The following SGCG variants were observed in gnomAD, a reference collection of about 807,000 sequenced individuals.
SGCG encodes gamma-sarcoglycan.
A neutral mutation model predicts 29.3 loss-of-function variants in SGCG; 26 were observed. That is an observed-to-expected ratio of 0.89 (90% CI 0.65 to 1.23). The LOEUF (loss-of-function observed/expected upper bound fraction) is 1.23, where lower values mean the gene tolerates loss of function less well. Among genes scored for constraint, SGCG ranks in the 50% most tolerant of loss-of-function variants. SGCG has a pLI of 0.00. For synonymous variants in SGCG, 145 were observed against 129.7 expected (o/e 1.12, Z -0.80); for missense variants, 353 against 356.0 (o/e 0.99, Z 0.07).
the SGCG span, among the ~76,000 whole-genome samples, chr13:23,163,912 T>C: frequency 6.6e-6 from 1 of 152,208 alleles, no homozygotes; most frequent in African/African-American, 2.4e-5. Flanking sequence ...ATTGAATTAT[T>C]TGCATGAAAT....
intron 1 of SGCG, among the ~76,000 whole-genome samples, chr13:23,198,931 AC>A (rs1334711207): frequency 1.3e-5 from 2 of 150,696 alleles, no homozygotes; most frequent in Admixed American, 1.3e-4. Flanking sequence ...ACATGGTGAA[AC>A]CCCGTCTCTA....
chr13:23,256,396 T>G (rs1880179534), intron 4 of SGCG, among the ~76,000 whole-genome samples: 1 of 152,174 alleles, frequency 6.6e-6, no homozygotes, highest in African/African-American at 2.4e-5. Context: ...TTTTTTTATA[T>G]ACTTTAATTT....
At chr13:23,175,600 A>G in the SGCG span, among the ~76,000 whole-genome samples, 2 of 152,092 alleles carry the variant, frequency 1.3e-5, no homozygotes, top group Admixed American at 1.3e-4. Context: ...CTCCCCTGAA[A>G]TCTGAGTTTT....
intron 4 of SGCG, among the ~76,000 whole-genome samples, chr13:23,262,921 G>A (rs983007479): frequency 3.0e-4 from 45 of 152,076 alleles, no homozygotes; most frequent in African/African-American, 1.1e-3. Context: ...GGTTAACAAT[G>A]ACATTAAAAT....
intron 1 of SGCG, among the ~76,000 whole-genome samples, chr13:23,184,197 G>A (rs570602766): frequency 1.3e-5 from 2 of 152,236 alleles, no homozygotes; most frequent in Admixed American, 6.5e-5. Context: ...TATATACCAC[G>A]TTTGATAAAA....
At chr13:23,274,795 A>G (rs989468944) in intron 4 of SGCG, among the ~76,000 whole-genome samples, 4 of 152,140 alleles carry the variant, frequency 2.6e-5, no homozygotes, top group Admixed American at 2.6e-4. Context: ...TGATTACTAT[A>G]TAGCCAGCGT....
At chr13:23,270,714 T>C (rs1461461373) in intron 4 of SGCG, among the ~76,000 whole-genome samples, 1 of 152,220 alleles carries the variant, frequency 6.6e-6, no homozygotes, top group African/African-American at 2.4e-5. Context: ...ATAGAATCTT[T>C]TTTTCATTGC....
the SGCG span, among the ~76,000 whole-genome samples, chr13:23,172,683 ATAAT>A: frequency 3.3e-5 from 5 of 152,246 alleles, no homozygotes; most frequent in African/African-American, 9.6e-5. Context: ...AATTTAGCAA[ATAAT>A]TAATGAGCAT....
intron 6 of SGCG, among the ~76,000 whole-genome samples, chr13:23,299,521 C>G (rs1316886679): frequency 7.2e-6 from 1 of 138,812 alleles, no homozygotes; most frequent in Non-Finnish European, 1.5e-5. Flanking sequence ...GGCGCGATCT[C>G]GGCTCACTGC....
intron 2 of SGCG, 63 bp downstream of exon 2, chr13:23,203,952 AT>A: frequency 8.5e-7 from 1 of 1,172,270 alleles, no homozygotes; most frequent in South Asian, 1.2e-5. Context: ...CTTAGTCTGT[AT>A]TGTATTGATA....
At chr13:23,207,544 A>G (rs563134047) in intron 2 of SGCG, among the ~76,000 whole-genome samples, 1 of 152,362 alleles carries the variant, frequency 6.6e-6, no homozygotes, top group South Asian at 2.1e-4. Context: ...GAAATGGGAG[A>G]AGATATTTGC....
At chr13:23,177,642 G>A (rs1159871570), upstream of SGCG, among the ~76,000 whole-genome samples, 1 of 143,272 alleles carries the variant, frequency 7.0e-6, no homozygotes, top group Admixed American at 7.2e-5. Context: ...TGTGATCTCG[G>A]CTCACTGCAA....
the SGCG span, among the ~76,000 whole-genome samples, chr13:23,175,474 A>G: frequency 6.6e-6 from 1 of 152,222 alleles, no homozygotes. Flanking sequence ...TCATTGCCCA[A>G]GAAATCTATA....
intron 1 of SGCG, among the ~76,000 whole-genome samples, chr13:23,191,373 A>G (rs990819014): frequency 9.9e-5 from 15 of 152,232 alleles, no homozygotes; most frequent in Non-Finnish European, 1.9e-4. Flanking sequence ...GAGGAGAGAC[A>G]GCAAGGAGAA....
rs1177384400 is a variant in SGCG, at chr13:23,324,782, A to G, written c.*241A>G. On this transcript the variant is annotated 3_prime_UTR_variant, in exon 8 of 8. Transcript: ENST00000218867. ...GAAAAGCAATGTGTTTTTCCACTGGATTAATTTTCACCGGAACAATTGCGA... is the reference window on the plus strand; with the variant it reads ...GAAAAGCAATGTGTTTTTCCACTGGGTTAATTTTCACCGGAACAATTGCGA... 1.9e-6 allele frequency: 1 copy of G among 525,194 alleles called. No individual in the cohort carries two copies. Among genetic ancestry groups the G allele is most frequent in the African/African-American group, 1.9e-5 (1 of 52,136 alleles). The allele number at this position is 525,194 out of a possible 1,614,324, so 32.5% of individuals were successfully genotyped here. A position where few individuals can be genotyped will look rare whatever the true frequency, so the allele number is the denominator to read the frequency against.
chr13:23,253,453 C>T (rs548447794), intron 4 of SGCG, among the ~76,000 whole-genome samples: 147 of 152,260 alleles, frequency 9.7e-4, no homozygotes, highest in Non-Finnish European at 1.5e-3. Context: ...GGTTTTCTTC[C>T]GTACATGACT....
At position 23,203,835 on chromosome 13, in the gene SGCG, CGTT is replaced by C; in HGVS notation, c.144_146del (p.Val49del). 1.2e-6 allele frequency: 2 copies of C among 1,614,008 alleles called. No individual in the cohort carries two copies. The highest frequency in any genetic ancestry group is 1.7e-6 in the Non-Finnish European group (2 of 1,179,890). ...TTGTTCTTCTTTTACTCATCATCCT[CGTT>C]GTGAATTTAGCTCTTACAATTTGGA... On this transcript the variant is annotated inframe_deletion, in exon 2 of 8. Coordinates refer to ENST00000218867, the MANE Select transcript of SGCG (RefSeq NM_000231.3).
At position 23,203,741 on chromosome 13, in the gene SGCG, A is replaced by G. The variant is rs1020872078; in HGVS notation, c.47A>G (p.Glu16Gly). 6.2e-7 allele frequency: 1 copy of G among 1,614,062 alleles called. No individual in the cohort carries two copies. Among genetic ancestry groups the G allele is most frequent in the African/African-American group, 1.3e-5 (1 of 75,042 alleles). Residue 16 changes from glutamate to glycine, a missense_variant, in exon 2 of 8, where the codon GAG (glutamate) becomes GGG (glycine). Coordinates refer to ENST00000218867, the MANE Select transcript of SGCG (RefSeq NM_000231.3). Reference protein sequence around the residue: ...YTTATEGICIERPENQYVYKI... With the variant: ...YTTATEGICIGRPENQYVYKI... The stretch of plus-strand genomic sequence containing the variant: ...ACAGCCACAGAAGGCATCTGCATAG[A>G]GAGGCCAGAGAATCAGTATGTCTAC...
chr13:23,275,327 C>A (rs997281614), intron 4 of SGCG, among the ~76,000 whole-genome samples: 2 of 151,612 alleles, frequency 1.3e-5, no homozygotes, highest in East Asian at 3.9e-4. Context: ...CTAGCCTGGG[C>A]AACATGGCAA....
Sources: gnomAD v4.1 joint callset for allele counts (sites outside exome capture counted in the v4.1 genomes callset) on GRCh38, gnomAD v4.1.1 for gene constraint, MANE v1.5 for transcripts, NCBI Gene and HGNC (gene_info 2026-07-23, HGNC 2026-07-21) for gene names.